SMOC2: variants seen among roughly 807,000 people sequenced by gnomAD.
SMOC2 encodes SPARC related modular calcium binding 2, also known as SPARC-related modular calcium-binding protein 2.
A neutral mutation model predicts 61.4 loss-of-function variants in SMOC2; 39 were observed. The ratio of observed to expected loss-of-function variants is 0.64; its 90% confidence interval spans 0.49 to 0.83. The LOEUF (loss-of-function observed/expected upper bound fraction) is 0.83. Among genes scored for constraint, SMOC2 ranks in the 40% least tolerant of loss-of-function variants. The pLI is 0.00. For synonymous variants in SMOC2, 247 were observed against 239.9 expected (o/e 1.03, Z -0.27); for missense variants, 556 against 592.9 (o/e 0.94, Z 0.65).
chr6:168,589,818 T>C (rs112538270), intron 7 of SMOC2, among the ~76,000 whole-genome samples: 15 of 34,592 alleles, frequency 4.3e-4, no homozygotes, highest in Non-Finnish European at 7.6e-4. Flanking sequence ...GAGCAGCCGG[T>C]CTGGTGGTGG....
chr6:168,545,604 G>A lies in SMOC2; in HGVS notation c.512-1515G>A, dbSNP rs561094096. The stretch of plus-strand genomic sequence containing the variant: ...GCATGGACAGGGCAGGAAGGAGAGC[G>A]GCCTCTGGTGCCCAGAATCAGGGCT... On this transcript the variant is annotated intron_variant, in intron 5 of 12. Coordinates refer to ENST00000356284, the MANE Select transcript of SMOC2 (RefSeq NM_001166412.2). Among the ~76,000 whole-genome samples the A allele has an allele frequency of 2.4e-4, 37 of 152,284 alleles. No individual in the cohort carries two copies. In the East Asian group the frequency reaches 6.0e-3, roughly 25 times the overall value.
intron 9 of SMOC2, among the ~76,000 whole-genome samples, 194 bp from the exon 10 acceptor site, chr6:168,650,487 T>C (rs1787164802): frequency 6.6e-6 from 1 of 152,150 alleles, no homozygotes; most frequent in African/African-American, 2.4e-5. Flanking sequence ...ATTCAAACAA[T>C]AGAGGAATTA....
intron 7 of SMOC2, among the ~76,000 whole-genome samples, chr6:168,579,537 A>G (rs1460725308): frequency 1.3e-5 from 2 of 152,226 alleles, no homozygotes; most frequent in Non-Finnish European, 2.9e-5. Flanking sequence ...TCCAAATTCT[A>G]CAGAATCTGA....
chr6:168,602,729 A>T (rs1157361206), intron 8 of SMOC2, among the ~76,000 whole-genome samples: 1 of 152,214 alleles, frequency 6.6e-6, no homozygotes, highest in Non-Finnish European at 1.5e-5. Context: ...AAACAGTTAG[A>T]CAGGTGGTAG....
At chr6:168,473,494 G>C (rs1782014245) in intron 1 of SMOC2, among the ~76,000 whole-genome samples, 2 of 152,132 alleles carry the variant, frequency 1.3e-5, no homozygotes, top group South Asian at 4.1e-4. Flanking sequence ...TCACTTCCTT[G>C]ATGCCTGTTG....
chr6:168,496,765 A>G (rs1014317370), intron 1 of SMOC2, among the ~76,000 whole-genome samples: 2 of 152,026 alleles, frequency 1.3e-5, no homozygotes, highest in African/African-American at 4.8e-5. Flanking sequence ...CAGCGTGGGG[A>G]CCCTTCTGAG....
intron 4 of SMOC2, among the ~76,000 whole-genome samples, chr6:168,543,102 C>T (rs976664846): frequency 1.3e-5 from 2 of 152,170 alleles, no homozygotes; most frequent in Non-Finnish European, 2.9e-5. Context: ...TTGTAATATG[C>T]ATCTTTCAGC....
At chr6:168,458,245 G>A (rs1781635572) in intron 1 of SMOC2, among the ~76,000 whole-genome samples, 1 of 152,084 alleles carries the variant, frequency 6.6e-6, no homozygotes, top group African/African-American at 2.4e-5. Flanking sequence ...GTCTCACCCT[G>A]CCCCTCCGGG....
chr6:168,595,815 T>C (rs113797712), intron 7 of SMOC2, among the ~76,000 whole-genome samples: 1,571 of 152,378 alleles, frequency 0.01, 25 homozygotes, highest in African/African-American at 0.035. Flanking sequence ...CCATCTTATT[T>C]TGCTTATGAT....
intron 9 of SMOC2, among the ~76,000 whole-genome samples, chr6:168,649,628 T>C (rs1328618771): frequency 6.6e-6 from 1 of 152,160 alleles, no homozygotes; most frequent in African/African-American, 2.4e-5. Context: ...TACACACAAA[T>C]AGACCCAGTT....
At chr6:168,534,388 C>G (rs943258208) in intron 4 of SMOC2, among the ~76,000 whole-genome samples, 2 of 152,202 alleles carry the variant, frequency 1.3e-5, no homozygotes, top group African/African-American at 2.4e-5. Context: ...TTTAGTCTGA[C>G]AAGCCGCTTC....
rs1376083214 is a variant in SMOC2 at position 168,518,503 on chromosome 6, GAA to G, written c.257-7842_257-7841del. Among the ~76,000 whole-genome samples the G allele has an allele frequency of 1.0e-3, 158 of 151,168 alleles. No individual in the cohort carries two copies. The South Asian group carries it at 0.013, about 13-fold the overall frequency. On this transcript the variant is annotated intron_variant, in intron 2 of 12. Coordinates refer to ENST00000356284, the MANE Select transcript of SMOC2 (RefSeq NM_001166412.2). The stretch of plus-strand genomic sequence containing the variant: ...TGTACATATGTGAGTGTGCATGTGT[GAA>G]TGTGTGTAAATGTGCATGTGTGGAT...
In SMOC2 at chr6:168,475,887, G is replaced by T. The variant is rs1037488440; in HGVS notation, c.85-34028G>T. On this transcript the variant is annotated intron_variant, in intron 1 of 12. Coordinates refer to ENST00000356284, the MANE Select transcript of SMOC2 (RefSeq NM_001166412.2). The surrounding 1 kb of genome is among the most constrained non-coding windows in gnomAD (Gnocchi z 4.6). Reference sequence around the variant, plus strand: ...TTCTCCAGGCGTGGGCTTCACGGGGGTCTGTGTCGTTAACTGAGGGGCAGG... The same window carrying T: ...TTCTCCAGGCGTGGGCTTCACGGGGTTCTGTGTCGTTAACTGAGGGGCAGG... Among the ~76,000 whole-genome samples the T allele has an allele frequency of 3.9e-5, 6 of 152,040 alleles. No individual in the cohort carries two copies. The highest frequency in any genetic ancestry group is 9.7e-5 in the African/African-American group (4 of 41,434).
intron 1 of SMOC2, among the ~76,000 whole-genome samples, chr6:168,467,136 AAC>A (rs10536582): frequency 0.14 from 18,831 of 133,126 alleles, 1,194 homozygotes; most frequent in Non-Finnish European, 0.17. Flanking sequence ...AGTGCTCTCA[AAC>A]ACACACACAC....
rs557602055 is a variant in SMOC2 at position 168,636,409 on chromosome 6, A to G, written c.908-14272A>G. On this transcript the variant is annotated intron_variant, in intron 9 of 12. Transcript: ENST00000356284. The stretch of plus-strand genomic sequence containing the variant: ...ACACTTGCAATCAGCCTTCTCCTAA[A>G]TGTATGCACTTTATTTCCTGATAAT... Among the ~76,000 whole-genome samples the G allele has an allele frequency of 4.6e-5, 7 of 152,332 alleles. No individual in the cohort carries two copies. The East Asian group carries it at 1.2e-3, about 25-fold the overall frequency.
chr6:168,582,369 G>C (rs1784938460), intron 7 of SMOC2, among the ~76,000 whole-genome samples: 1 of 152,144 alleles, frequency 6.6e-6, no homozygotes, highest in Non-Finnish European at 1.5e-5. Context: ...GTTGTGAGTG[G>C]GTGAGTGTGA....
At chr6:168,662,207 C>A (rs1247370363) in intron 11 of SMOC2, among the ~76,000 whole-genome samples, 1 of 152,208 alleles carries the variant, frequency 6.6e-6, no homozygotes, top group Non-Finnish European at 1.5e-5. Flanking sequence ...ACAGTAAACA[C>A]ACAGGAATGT....
rs141594202 is a variant in SMOC2, at chr6:168,580,925, G to A, written c.638-17893G>A. On this transcript the variant is annotated intron_variant, in intron 7 of 12. Coordinates refer to ENST00000356284, the MANE Select transcript of SMOC2 (RefSeq NM_001166412.2). Reference sequence around the variant, plus strand: ...ACAGCATGCAGAGCACCTACAGTGCGTGTAAATGTGATGGCAAGCATCTTG... The same window carrying A: ...ACAGCATGCAGAGCACCTACAGTGCATGTAAATGTGATGGCAAGCATCTTG... Among the ~76,000 whole-genome samples the A allele has an allele frequency of 1.1e-3, 165 of 152,312 alleles. 1 individual carries two copies. The highest frequency in any genetic ancestry group is 3.6e-3 in the African/African-American group (148 of 41,576).
At position 168,666,493 on chromosome 6, in the gene SMOC2, A is replaced by C. The variant is rs1263945793; in HGVS notation, c.*55A>C. ...ACACATGGGAAATTTCCCTCACCAA[A>C]GAGCAATTAAGAAAACAAAAACAGA... On this transcript the variant is annotated 3_prime_UTR_variant, in exon 13 of 13. Transcript: ENST00000356284. 1 of 1,586,140 alleles carries C rather than the reference A, an allele frequency of 6.3e-7. No homozygotes were observed. The highest frequency in any genetic ancestry group is 8.6e-7 in the Non-Finnish European group (1 of 1,156,824).
Sources: allele counts gnomAD v4.1 joint callset (sites outside exome capture counted in the v4.1 genomes callset), GRCh38; gene constraint gnomAD v4.1.1; non-coding constraint Gnocchi (gnomAD v3.1); transcripts MANE v1.5; gene names NCBI Gene and HGNC (gene_info 2026-07-23, HGNC 2026-07-21).